Variants in ZDHHC14 observed in about 807,000 individuals in gnomAD.
The protein encoded by ZDHHC14 is palmitoyltransferase ZDHHC14.
Under a neutral mutation model 47.7 loss-of-function variants are expected in ZDHHC14, and 16 were observed. The observed-to-expected ratio is 0.34, with a 90% CI of 0.23 to 0.51. The LOEUF (loss-of-function observed/expected upper bound fraction) is 0.51, where lower values mean the gene tolerates loss of function less well. ZDHHC14 is among the 20% of genes least tolerant of loss of function. The pLI is 0.97. For missense variants in ZDHHC14, 515 were observed against 662.5 expected (o/e 0.78, Z 2.44); for synonymous variants, 293 against 278.9 (o/e 1.05, Z -0.50).
chr6:157,551,071 G>C (rs139940045), intron 2 of ZDHHC14, among the ~76,000 whole-genome samples: 322 of 152,290 alleles, frequency 2.1e-3, no homozygotes, highest in African/African-American at 7.3e-3. Context: ...CCACATGCAT[G>C]GTTCAAGAAT....
intron 1 of ZDHHC14, among the ~76,000 whole-genome samples, chr6:157,436,568 T>G (rs1467737017): frequency 8.9e-6 from 1 of 111,786 alleles, no homozygotes; most frequent in Admixed American, 1.2e-4. Flanking sequence ...TCATGAGGAC[T>G]TGAACTGCTG....
chr6:157,456,120 C>G (rs934554703), intron 1 of ZDHHC14, among the ~76,000 whole-genome samples: 3 of 152,134 alleles, frequency 2.0e-5, no homozygotes, highest in African/African-American at 7.2e-5. Context: ...CTTCTACTCC[C>G]GGAGGAGGCC....
intron 1 of ZDHHC14, among the ~76,000 whole-genome samples, chr6:157,426,711 G>T (rs1281395892): frequency 6.6e-6 from 1 of 152,178 alleles, no homozygotes; most frequent in East Asian, 1.9e-4. Context: ...TGTGTGGGAG[G>T]GAACAGAAAG....
intron 8 of ZDHHC14, among the ~76,000 whole-genome samples, chr6:157,664,083 C>T (rs1049573398): frequency 1.2e-4 from 18 of 152,302 alleles, no homozygotes; most frequent in Non-Finnish European, 2.2e-4. Flanking sequence ...TCCCCACAAC[C>T]CATTATCCTT....
chr6:157,655,587 G>A (rs942832627), intron 8 of ZDHHC14, among the ~76,000 whole-genome samples: 4 of 152,230 alleles, frequency 2.6e-5, no homozygotes, highest in Admixed American at 6.5e-5. Context: ...GTGTGCATGT[G>A]TCTACACACA....
rs934183354 is a variant in ZDHHC14, at chr6:157,536,553, T to C, written c.246-6032T>C. Among the ~76,000 whole-genome samples, 21 of 152,352 alleles carry C rather than the reference T, an allele frequency of 1.4e-4. No individual in the cohort carries two copies. In the South Asian group the frequency reaches 1.5e-3, roughly 11 times the overall value. On this transcript the variant is annotated intron_variant, in intron 1 of 8. Transcript: ENST00000359775. The stretch of plus-strand genomic sequence containing the variant: ...TAAGTTAATCTTCTCCCAAAGAATG[T>C]CCTCTGGAAAACAGAGTGACCTAAT...
At chr6:157,488,509 A>G (rs1377069520) in intron 1 of ZDHHC14, among the ~76,000 whole-genome samples, 1 of 152,208 alleles carries the variant, frequency 6.6e-6, no homozygotes, top group African/African-American at 2.4e-5. Flanking sequence ...CTGAAACTCA[A>G]GATGTCTGAA....
At chr6:157,659,342 G>A (rs953609708) in intron 8 of ZDHHC14, among the ~76,000 whole-genome samples, 2 of 152,220 alleles carry the variant, frequency 1.3e-5, no homozygotes, top group Non-Finnish European at 2.9e-5. Context: ...CTAGCAGAGC[G>A]AGTTCCAGCG....
chr6:157,646,888 G>A (rs920714466), intron 6 of ZDHHC14, among the ~76,000 whole-genome samples: 1 of 152,112 alleles, frequency 6.6e-6, no homozygotes, highest in African/African-American at 2.4e-5. Flanking sequence ...AGAAGAGGCT[G>A]AATTATTTCA....
At chr6:157,461,021 G>A (rs1779069567) in intron 1 of ZDHHC14, among the ~76,000 whole-genome samples, 1 of 152,234 alleles carries the variant, frequency 6.6e-6, no homozygotes, top group Non-Finnish European at 1.5e-5. Context: ...GGCAGCCACA[G>A]CAATTGGCAT....
At chr6:157,404,657 A>C (rs1418163527) in intron 1 of ZDHHC14, among the ~76,000 whole-genome samples, 1 of 152,212 alleles carries the variant, frequency 6.6e-6, no homozygotes, top group Non-Finnish European at 1.5e-5. Flanking sequence ...AGTCAAGGAC[A>C]GAAAGTCCCT....
chr6:157,544,302 A>T (rs1409783001), intron 2 of ZDHHC14, among the ~76,000 whole-genome samples: 1 of 152,224 alleles, frequency 6.6e-6, no homozygotes, highest in Non-Finnish European at 1.5e-5. Flanking sequence ...AGGTTAGTGC[A>T]GGTGCATCTG....
At chr6:157,417,314 A>ATCCC (rs1562417045) in intron 1 of ZDHHC14, among the ~76,000 whole-genome samples, 2 of 152,190 alleles carry the variant, frequency 1.3e-5, no homozygotes, top group Non-Finnish European at 2.9e-5. Context: ...CAAGATGTGG[A>ATCCC]TAAAAGCATG....
chr6:157,608,841 G>C (rs756306624), intron 3 of ZDHHC14, among the ~76,000 whole-genome samples: 1 of 152,228 alleles, frequency 6.6e-6, no homozygotes, highest in Non-Finnish European at 1.5e-5. Flanking sequence ...GAGAGGGGGG[G>C]CTGTCCCCAC....
intron 1 of ZDHHC14, among the ~76,000 whole-genome samples, chr6:157,413,027 G>A (rs558920959): frequency 2.6e-5 from 4 of 152,310 alleles, no homozygotes; most frequent in Non-Finnish European, 5.9e-5. Flanking sequence ...AGTACTGAAC[G>A]GCAGATTGAA....
intron 2 of ZDHHC14, among the ~76,000 whole-genome samples, chr6:157,583,647 G>T (rs1032096935): frequency 6.6e-6 from 1 of 152,138 alleles, no homozygotes; most frequent in African/African-American, 2.4e-5. Flanking sequence ...GCTCCTTGGC[G>T]TTTCCACACA....
At chr6:157,639,728 T>C (rs1409936467) in intron 5 of ZDHHC14, among the ~76,000 whole-genome samples, 1 of 151,894 alleles carries the variant, frequency 6.6e-6, no homozygotes, top group East Asian at 2.0e-4. Flanking sequence ...GTGGGATCCG[T>C]GCCTGGGGAG....
At chr6:157,587,336 G>A (rs1166971354) in intron 2 of ZDHHC14, among the ~76,000 whole-genome samples, 1 of 152,228 alleles carries the variant, frequency 6.6e-6, no homozygotes, top group African/African-American at 2.4e-5. Context: ...CTCAGGGGAA[G>A]CACACAGCCG....
intron 3 of ZDHHC14, among the ~76,000 whole-genome samples, chr6:157,612,541 A>G (rs758121239): frequency 6.6e-6 from 1 of 152,198 alleles, no homozygotes; most frequent in African/African-American, 2.4e-5. Flanking sequence ...CTGCCACTGC[A>G]CACACTTCCC....
Sources: allele counts gnomAD v4.1 joint callset (sites outside exome capture counted in the v4.1 genomes callset), GRCh38; gene constraint gnomAD v4.1.1; transcripts MANE v1.5; gene names NCBI Gene and HGNC (gene_info 2026-07-23, HGNC 2026-07-21).